Variants in ACVR1C observed in about 807,000 individuals in gnomAD.
ACVR1C encodes activin A receptor type 1C.
A neutral mutation model predicts 57.9 loss-of-function variants in ACVR1C; 23 were observed. The ratio of observed to expected loss-of-function variants is 0.40; its 90% CI spans 0.29 to 0.56. The LOEUF is 0.56. ACVR1C is among the 20% of genes least tolerant of loss of function. The pLI is 0.50. For synonymous variants in ACVR1C, 214 were observed against 215.3 expected, an observed-to-expected ratio of 0.99 and a Z score of 0.05; for missense variants, 480 against 607.9, an observed-to-expected ratio of 0.79 and a Z score of 2.21.
chr2:157,596,772 T>C (rs1372373352), intron 1 of ACVR1C, among the ~76,000 whole-genome samples: 1 of 152,228 alleles, frequency 6.6e-6, no homozygotes, highest in Non-Finnish European at 1.5e-5. Flanking sequence ...GATAAGTTTT[T>C]AAGATCATTA....
rs1687353404 is a variant in ACVR1C at position 157,531,728 on chromosome 2, G to C, written c.*2190C>G. On this transcript the variant is annotated 3_prime_UTR_variant, in exon 9 of 9. Transcript: ENST00000243349. ...CTCTTTTTAAAAATCACTTCACATA[G>C]GCACTTTTAAAAACTGATGATATAT... 6.6e-6 allele frequency: 1 copy of C among 151,984 alleles called. No homozygotes were observed. The highest frequency in any genetic ancestry group is 2.1e-4 in the South Asian group (1 of 4,826). 9.4% of individuals were successfully genotyped at this position (151,984 alleles called of 1,614,324 possible).
chr2:157,583,159 C>T (rs1688831874), intron 2 of ACVR1C, among the ~76,000 whole-genome samples: 1 of 152,080 alleles, frequency 6.6e-6, no homozygotes, highest in African/African-American at 2.4e-5. Flanking sequence ...CTGCACCCAG[C>T]CTATAAGTTA....
intron 2 of ACVR1C, among the ~76,000 whole-genome samples, chr2:157,565,970 C>T (rs1688361508): frequency 6.6e-6 from 1 of 152,120 alleles, no homozygotes; most frequent in African/African-American, 2.4e-5. Flanking sequence ...GTATAAAGAA[C>T]TTTCACTCAA....
In ACVR1C at chr2:157,599,217, C is replaced by T. The variant is rs559929971; in HGVS notation, c.74-11800G>A. On this transcript the variant is annotated intron_variant, in intron 1 of 8. Coordinates refer to ENST00000243349, the MANE Select transcript of ACVR1C (RefSeq NM_145259.3). The stretch of plus-strand genomic sequence containing the variant: ...GGCGTGGTGGCGGGCGCCTACAGTC[C>T]CAGGTACTCTGGAGGCTGAGGCAGG... 2.5e-4 allele frequency among the ~76,000 whole-genome samples: 37 copies of T among 147,456 alleles called. No homozygotes were observed. In the East Asian group the frequency reaches 5.2e-3, roughly 21 times the overall value.
In ACVR1C at chr2:157,538,698, C is replaced by A. The variant is rs1687546087; in HGVS notation, c.1231G>T (p.Val411Phe). Reference protein sequence around the residue: ...IARRCSVGGIVEEYQLPYYDM... With the variant: ...IARRCSVGGIFEEYQLPYYDM... Reference sequence around the variant, plus strand: ...TAATAAGGCAATTGGTACTCCTCAACAATTCCTGTAAGAAATTTGTATAAT... The same window carrying A: ...TAATAAGGCAATTGGTACTCCTCAAAAATTCCTGTAAGAAATTTGTATAAT... The change falls in exon 8 of 9, where the codon GTT becomes TTT. Residue 411 changes from valine to phenylalanine, a missense_variant. Transcript: ENST00000243349. 3 of 1,479,474 alleles carry A rather than the reference C, an allele frequency of 2.0e-6. No homozygotes were observed. The African/African-American group carries it at 4.3e-5, about 21-fold the overall frequency. 91.6% of individuals were successfully genotyped at this position (1,479,474 alleles called of 1,614,324 possible).
At chr2:157,539,893 T>A (rs1687581600) in intron 7 of ACVR1C, among the ~76,000 whole-genome samples, 1 of 152,228 alleles carries the variant, frequency 6.6e-6, no homozygotes, top group Non-Finnish European at 1.5e-5. Flanking sequence ...AGAGAAAAAG[T>A]ATGTATGTTT....
rs1465631287 is a variant in ACVR1C at position 157,541,206 on chromosome 2, G to A, written c.1109C>T (p.Ala370Val). Residue 370 changes from alanine (A) to valine (V), a missense_variant, in exon 7 of 9, where the codon GCT (alanine) becomes GTT (valine). By Grantham distance (64) the Ala-to-Val change is moderately conservative. Transcript: ENST00000243349. ...CATTGTATCATCAAGCATTTCAGGAGCCATATACCTTCAAAAACATGTACA... is the reference window on the plus strand; with the variant it reads ...CATTGTATCATCAAGCATTTCAGGAACCATATACCTTCAAAAACATGTACA... Reference protein sequence around the residue: ...NPKVGTKRYMAPEMLDDTMNV... With the variant: ...NPKVGTKRYMVPEMLDDTMNV... The A allele has an allele frequency of 6.2e-7, 1 of 1,611,670 alleles. No individual in the cohort carries two copies. The highest frequency in any genetic ancestry group is 1.7e-5 in the Admixed American group (1 of 59,302).
At chr2:157,626,184 T>C (rs1186372463) in intron 1 of ACVR1C, among the ~76,000 whole-genome samples, 4 of 152,262 alleles carry the variant, frequency 2.6e-5, no homozygotes, top group Non-Finnish European at 5.9e-5. Flanking sequence ...CCTGAGCTGG[T>C]CTTGAACTTG....
intron 2 of ACVR1C, among the ~76,000 whole-genome samples, chr2:157,581,439 G>A (rs1255730932): frequency 2.0e-5 from 3 of 152,112 alleles, no homozygotes; most frequent in African/African-American, 7.2e-5. Flanking sequence ...GGACTGATTA[G>A]GGGGCTTACA....
At chr2:157,536,948 T>C (rs1267485259) in intron 8 of ACVR1C, among the ~76,000 whole-genome samples, 1 of 152,148 alleles carries the variant, frequency 6.6e-6, no homozygotes, top group Non-Finnish European at 1.5e-5. Flanking sequence ...ATGTAAGTCA[T>C]TGCATTAAAA....
In ACVR1C at chr2:157,554,203, GAA is replaced by G. The variant is rs199615042; in HGVS notation, c.544+1888_544+1889del. On this transcript the variant is annotated intron_variant, in intron 3 of 8. Coordinates refer to ENST00000243349, the MANE Select transcript of ACVR1C (RefSeq NM_145259.3). ...GGAAAAAAAAAAAATAAAGAAGAGA[GAA>G]AGAAAGAAAGAAAGAAAGAAAGAAA... 2.2e-3 allele frequency among the ~76,000 whole-genome samples: 105 copies of G among 46,838 alleles called. 1 individual carries two copies. Among genetic ancestry groups the G allele is most frequent in the African/African-American group, 0.011 (95 of 8,632 alleles). The allele number at this position is 46,838 out of a possible 152,430, so 30.7% of individuals were successfully genotyped here.
intron 4 of ACVR1C, among the ~76,000 whole-genome samples, chr2:157,548,658 G>A (rs1558972172): frequency 6.6e-6 from 1 of 151,868 alleles, no homozygotes; most frequent in Non-Finnish European, 1.5e-5. Context: ...TGACAAACCT[G>A]AGAAAAACAA....
At chr2:157,609,852 C>T (rs1414713037) in intron 1 of ACVR1C, among the ~76,000 whole-genome samples, 1 of 151,812 alleles carries the variant, frequency 6.6e-6, no homozygotes, top group African/African-American at 2.4e-5. Context: ...TGGGTCTTTA[C>T]TGGTAAACTG....
chr2:157,533,808 A>T lies in ACVR1C; in HGVS notation c.*110T>A. On this transcript the variant is annotated 3_prime_UTR_variant, in exon 9 of 9. Transcript: ENST00000243349. ...TGCCTTATGGGCACTTAAATACTGT[A>T]CTGTCTTATCTTTGAGGTAGAACAA... The T allele has an allele frequency of 8.7e-7, 1 of 1,152,326 alleles. No homozygotes were observed. The highest frequency in any genetic ancestry group is 1.2e-6 in the Non-Finnish European group (1 of 859,170). 71.4% of individuals were successfully genotyped at this position (1,152,326 alleles called of 1,614,324 possible).
At chr2:157,558,646 G>A (rs966778904) in intron 2 of ACVR1C, among the ~76,000 whole-genome samples, 1 of 152,180 alleles carries the variant, frequency 6.6e-6, no homozygotes, top group African/African-American at 2.4e-5. Context: ...CTTCCCCTGA[G>A]TGTTTCGGAA....
Position 157,628,721 on chromosome 2 carries a change from A to C in ACVR1C, c.-77T>G. On this transcript the variant is annotated 5_prime_UTR_variant, in exon 1 of 9. Coordinates refer to ENST00000243349, the MANE Select transcript of ACVR1C (RefSeq NM_145259.3). ...AGCCGGGGCAGCACGGCCCGCTTTG[A>C]AGTTCCCGGGCCGCGGGAGGGGAGC... The C allele has an allele frequency of 7.6e-7, 1 of 1,311,288 alleles. No homozygotes were observed. The highest frequency in any genetic ancestry group is 1.0e-6 in the Non-Finnish European group (1 of 994,670). The allele number at this position is 1,311,288 out of a possible 1,614,324, so 81.2% of individuals were successfully genotyped here.
intron 3 of ACVR1C, among the ~76,000 whole-genome samples, chr2:157,554,228 A>AG (rs1688008118): frequency 7.7e-6 from 1 of 130,050 alleles, no homozygotes; most frequent in African/African-American, 3.8e-5. Flanking sequence ...AGAAAGAAAG[A>AG]AAGAAAGAAA....
intron 1 of ACVR1C, among the ~76,000 whole-genome samples, chr2:157,620,562 T>C (rs1025440356): frequency 2.0e-5 from 3 of 152,146 alleles, no homozygotes; most frequent in Non-Finnish European, 1.5e-5. Flanking sequence ...TGAATTAACA[T>C]CTCTTGGATA....
intron 3 of ACVR1C, among the ~76,000 whole-genome samples, chr2:157,554,284 A>AAGGAAGGAAGGAAGGAAGGAAGG (rs1558975234): frequency 5.3e-5 from 6 of 114,060 alleles, no homozygotes; most frequent in African/African-American, 3.1e-4. Context: ...AGGAAGGAAG[A>AAGGAAGGAAGGAAGGAAGGAAGG]GAGAGAGAGA....
Sources: gnomAD v4.1 joint callset for allele counts (sites outside exome capture counted in the v4.1 genomes callset) on GRCh38, gnomAD v4.1.1 for gene constraint, MANE v1.5 for transcripts, NCBI Gene and HGNC (gene_info 2026-07-23, HGNC 2026-07-21) for gene names.